Variants in PDE2A observed in about 807,000 individuals in gnomAD.
PDE2A encodes phosphodiesterase 2A.
PDE2A carries 53 observed loss-of-function variants against 133.6 expected under a neutral mutation model. The ratio of observed to expected loss-of-function variants is 0.40; its 90% CI spans 0.32 to 0.50. PDE2A has a LOEUF of 0.50. PDE2A is among the 20% of genes least tolerant of loss of function. The pLI is 0.73. For synonymous variants in PDE2A, 491 were observed against 490.2 expected (o/e 1.00, Z -0.02); for missense variants, 796 against 1,232.4 (o/e 0.65, Z 5.30).
chr11:72,671,188 A>G (rs929276655), intron 1 of PDE2A, among the ~76,000 whole-genome samples: 1 of 152,154 alleles, frequency 6.6e-6, no homozygotes, highest in African/African-American at 2.4e-5. Context: ...GTAGGGTTGC[A>G]GCTTTCCATT....
At chr11:72,648,080 G>A (rs1043718189) in intron 1 of PDE2A, among the ~76,000 whole-genome samples, 4 of 152,178 alleles carry the variant, frequency 2.6e-5, no homozygotes, top group Non-Finnish European at 4.4e-5. Flanking sequence ...ACGTGTGAAT[G>A]TGTGTGCAAG....
At chr11:72,605,111 G>T in intron 4 of PDE2A, 27 bp downstream of exon 4, 2 of 1,469,686 alleles carry the variant, frequency 1.4e-6, no homozygotes, top group Non-Finnish European at 1.9e-6. Flanking sequence ...ATGCAAGAGG[G>T]CAATGGGGGT....
intron 1 of PDE2A, among the ~76,000 whole-genome samples, chr11:72,670,779 GGCTGGGTA>G (rs1301703137): frequency 6.6e-6 from 1 of 152,142 alleles, no homozygotes; most frequent in Non-Finnish European, 1.5e-5. Context: ...CATAAGGCCA[GGCTGGGTA>G]GCCTGGAGTT....
intron 1 of PDE2A, among the ~76,000 whole-genome samples, chr11:72,648,248 C>A (rs1033449508): frequency 6.6e-6 from 1 of 152,140 alleles, no homozygotes; most frequent in Non-Finnish European, 1.5e-5. Flanking sequence ...TACCTTCTGC[C>A]CAGGGATGCC....
At chr11:72,602,418 G>A (rs341089) in intron 4 of PDE2A, among the ~76,000 whole-genome samples, 15,974 of 152,190 alleles carry the variant, frequency 0.1, 908 homozygotes, top group Non-Finnish European at 0.12. Context: ...CACACCTGCT[G>A]CTGTTTGCCC....
chr11:72,621,409 C>G (rs1243773053), intron 2 of PDE2A, among the ~76,000 whole-genome samples: 1 of 152,230 alleles, frequency 6.6e-6, no homozygotes, highest in South Asian at 2.1e-4. Context: ...CAGCTTCAGT[C>G]CCTCTTACTC....
chr11:72,594,064 C>T (rs1285238858), intron 6 of PDE2A, among the ~76,000 whole-genome samples: 1 of 152,214 alleles, frequency 6.6e-6, no homozygotes. Context: ...ACCCTCCAGA[C>T]CATATGGTCT....
chr11:72,636,339 G>A (rs1858695263), intron 2 of PDE2A, among the ~76,000 whole-genome samples: 1 of 152,236 alleles, frequency 6.6e-6, no homozygotes, highest in South Asian at 2.1e-4. Context: ...ACTCATTTTG[G>A]AATGTACTCA....
intron 1 of PDE2A, among the ~76,000 whole-genome samples, chr11:72,662,861 T>C (rs893750272): frequency 2.0e-5 from 3 of 152,158 alleles, no homozygotes; most frequent in Non-Finnish European, 1.5e-5. Flanking sequence ...CTGACCCTGC[T>C]TAAACTTTCC....
intron 6 of PDE2A, among the ~76,000 whole-genome samples, chr11:72,592,740 G>A (rs1272055434): frequency 6.6e-6 from 1 of 152,076 alleles, no homozygotes; most frequent in East Asian, 1.9e-4. Flanking sequence ...TAGCATCTGA[G>A]GGCCACTGTC....
chr11:72,660,987 G>C (rs1233318835), intron 1 of PDE2A, among the ~76,000 whole-genome samples: 1 of 152,082 alleles, frequency 6.6e-6, no homozygotes, highest in African/African-American at 2.4e-5. Flanking sequence ...GAGGGCATCT[G>C]GCTGTGTCCT....
intron 2 of PDE2A, among the ~76,000 whole-genome samples, chr11:72,615,884 T>C (rs1857447694): frequency 6.6e-6 from 1 of 152,084 alleles, no homozygotes; most frequent in South Asian, 2.1e-4. Context: ...ATGAGGGGGC[T>C]CCTAGTCCCC....
chr11:72,636,537 A>T (rs1244691335), intron 2 of PDE2A, among the ~76,000 whole-genome samples: 1 of 152,098 alleles, frequency 6.6e-6, no homozygotes, highest in African/African-American at 2.4e-5. Flanking sequence ...AGGCTTTTCC[A>T]AGACCTTTTG....
At chr11:72,653,817 T>C (rs1854816276) in intron 1 of PDE2A, among the ~76,000 whole-genome samples, 1 of 152,244 alleles carries the variant, frequency 6.6e-6, no homozygotes, top group African/African-American at 2.4e-5. Context: ...CAGAATCATC[T>C]GGGCACAGAA....
intron 1 of PDE2A, among the ~76,000 whole-genome samples, chr11:72,671,701 G>A (rs1427734953): frequency 6.6e-6 from 1 of 152,172 alleles, no homozygotes; most frequent in Non-Finnish European, 1.5e-5. Flanking sequence ...GTTCCGGGCA[G>A]GGCCTGAAGG....
At chr11:72,606,776 A>C (rs1362606537) in intron 3 of PDE2A, among the ~76,000 whole-genome samples, 1 of 152,124 alleles carries the variant, frequency 6.6e-6, no homozygotes, top group Non-Finnish European at 1.5e-5. Context: ...AGTCCTGCCC[A>C]GGCAGAGGGA....
At chr11:72,640,597 T>C (rs1228061812) in intron 2 of PDE2A, among the ~76,000 whole-genome samples, 1 of 152,058 alleles carries the variant, frequency 6.6e-6, no homozygotes, top group East Asian at 1.9e-4. Flanking sequence ...GGATGTGCCA[T>C]AGTGACTCTA....
chr11:72,605,319 G>T, intron 3 of PDE2A, 93 bp from the exon 4 acceptor site: 1 of 557,834 alleles, frequency 1.8e-6, no homozygotes, highest in Non-Finnish European at 3.1e-6. Context: ...GCAAGGTCAT[G>T]GAACCTGTGG....
chr11:72,598,804 C>G (rs957592951), intron 4 of PDE2A: 1 of 985,308 alleles, frequency 1.0e-6, no homozygotes, highest in Admixed American at 6.1e-5. Context: ...CAAACCCATT[C>G]CTTCCTGGCC....
Sources: gnomAD v4.1 joint callset for allele counts (sites outside exome capture counted in the v4.1 genomes callset) on GRCh38, gnomAD v4.1.1 for gene constraint, MANE v1.5 for transcripts, NCBI Gene and HGNC (gene_info 2026-07-23, HGNC 2026-07-21) for gene names.